PTPRD: variants seen among roughly 807,000 people sequenced by gnomAD.
PTPRD encodes receptor-type tyrosine-protein phosphatase delta.
PTPRD carries 34 observed loss-of-function variants against 214.5 expected under a neutral mutation model. The observed-to-expected ratio is 0.16, with a 90% CI of 0.12 to 0.21. The LOEUF is 0.21. Ranked by LOEUF, PTPRD falls within the 10% of genes least tolerant of loss-of-function variation. The pLI, the probability that PTPRD is intolerant of heterozygous loss-of-function variation, is 1.00. For synonymous variants in PTPRD, 1,128 were observed against 845.7 expected (o/e 1.33, Z -5.79); for missense variants, 2,545 against 2,398.7 (o/e 1.06, Z -1.27).
intron 3 of PTPRD, among the ~76,000 whole-genome samples, chr9:10,187,262 C>T (rs1428422986): frequency 1.3e-5 from 2 of 152,070 alleles, no homozygotes; most frequent in African/African-American, 2.4e-5. Context: ...TGAATCAGCT[C>T]TCTCACCCTT....
At chr9:8,447,704 T>C (rs1389668666) in intron 34 of PTPRD, among the ~76,000 whole-genome samples, 1 of 152,144 alleles carries the variant, frequency 6.6e-6, no homozygotes, top group Non-Finnish European at 1.5e-5. Context: ...AGCAGCACTC[T>C]CACTGGCTCC....
At chr9:8,988,740 C>G (rs1038436221) in intron 11 of PTPRD, among the ~76,000 whole-genome samples, 11 of 152,032 alleles carry the variant, frequency 7.2e-5, no homozygotes, top group Non-Finnish European at 1.0e-4. Flanking sequence ...TCCTGTGTCT[C>G]TTTCATTACA....
intron 11 of PTPRD, among the ~76,000 whole-genome samples, chr9:8,855,218 C>A (rs140907852): frequency 1.3e-5 from 2 of 151,734 alleles, no homozygotes; most frequent in African/African-American, 4.8e-5. Context: ...TATACAGGCC[C>A]CTAGTGGCTT....
At chr9:9,798,399 C>T (rs1342479645) in intron 5 of PTPRD, among the ~76,000 whole-genome samples, 2 of 151,990 alleles carry the variant, frequency 1.3e-5, no homozygotes, top group African/African-American at 2.4e-5. Flanking sequence ...TATGATTGGA[C>T]AAAAAGGATA....
At chr9:9,386,231 A>G (rs2063823366) in intron 9 of PTPRD, among the ~76,000 whole-genome samples, 1 of 152,164 alleles carries the variant, frequency 6.6e-6, no homozygotes, top group Non-Finnish European at 1.5e-5. Context: ...GGAATGAAGT[A>G]TGTGAGCCCC....
intron 11 of PTPRD, among the ~76,000 whole-genome samples, chr9:8,735,175 A>C (rs2089942283): frequency 2.3e-5 from 3 of 129,234 alleles, no homozygotes; most frequent in Non-Finnish European, 3.2e-5. Flanking sequence ...AGACAGTCTC[A>C]CTCTGTCACC....
chr9:9,084,125 C>G (rs1021309518), intron 10 of PTPRD, among the ~76,000 whole-genome samples: 2 of 152,070 alleles, frequency 1.3e-5, no homozygotes, highest in Non-Finnish European at 2.9e-5. Context: ...GCAGCACTAT[C>G]ACAATAGCAA....
chr9:9,175,165 G>C (rs1278887590), intron 10 of PTPRD, among the ~76,000 whole-genome samples: 1 of 152,084 alleles, frequency 6.6e-6, no homozygotes, highest in African/African-American at 2.4e-5. Context: ...CCCAGTCTAA[G>C]GTAATTTCTT....
chr9:8,888,254 C>G (rs774072383), intron 11 of PTPRD, among the ~76,000 whole-genome samples: 40 of 152,124 alleles, frequency 2.6e-4, no homozygotes, highest in Non-Finnish European at 4.7e-4. Context: ...ATGTGAAAGT[C>G]TATGTTTATG....
intron 7 of PTPRD, among the ~76,000 whole-genome samples, chr9:9,655,321 A>G (rs976784328): frequency 1.3e-5 from 2 of 152,178 alleles, no homozygotes; most frequent in Non-Finnish European, 1.5e-5. Flanking sequence ...TGTAATCCCA[A>G]CACTTCGGGA....
intron 10 of PTPRD, among the ~76,000 whole-genome samples, chr9:9,089,469 CT>C (rs758140134): frequency 6.6e-6 from 1 of 152,138 alleles, no homozygotes; most frequent in East Asian, 1.9e-4. Flanking sequence ...GCCATTTAAC[CT>C]TTCTGACCAA....
chr9:10,597,980 G>A (rs2077001568), intron 2 of PTPRD, among the ~76,000 whole-genome samples: 1 of 151,696 alleles, frequency 6.6e-6, no homozygotes, highest in East Asian at 1.9e-4. Flanking sequence ...ATGCATTCTT[G>A]ATGGATGGGT....
intron 11 of PTPRD, among the ~76,000 whole-genome samples, chr9:8,836,558 G>C (rs1041858641): frequency 3.1e-4 from 43 of 139,828 alleles, no homozygotes; most frequent in East Asian, 2.2e-3. Context: ...AGTAATTTTA[G>C]GTCTTAAGTT....
intron 9 of PTPRD, among the ~76,000 whole-genome samples, chr9:9,279,314 A>G (rs1378359433): frequency 1.4e-5 from 2 of 146,460 alleles, no homozygotes; most frequent in Non-Finnish European, 3.0e-5. Flanking sequence ...ATACACATGC[A>G]TATATACAGA....
At chr9:9,182,637 G>C (rs1321408967) in intron 10 of PTPRD, among the ~76,000 whole-genome samples, 1 of 151,888 alleles carries the variant, frequency 6.6e-6, no homozygotes, top group Non-Finnish European at 1.5e-5. Flanking sequence ...AAATGTCCTT[G>C]GCAGAGGATT....
chr9:10,560,871 C>A (rs573325789), intron 2 of PTPRD, among the ~76,000 whole-genome samples: 2 of 152,248 alleles, frequency 1.3e-5, no homozygotes, highest in African/African-American at 4.8e-5. Flanking sequence ...AAATATAGAG[C>A]CTGTCCATCA....
At chr9:9,518,338 C>T (rs944021790) in intron 8 of PTPRD, among the ~76,000 whole-genome samples, 9 of 151,916 alleles carry the variant, frequency 5.9e-5, no homozygotes, top group East Asian at 3.9e-4. Flanking sequence ...TTTTAGGCTA[C>T]GGGAAGATTC....
intron 5 of PTPRD, among the ~76,000 whole-genome samples, chr9:9,843,699 T>C (rs2058843080): frequency 6.6e-6 from 1 of 151,988 alleles, no homozygotes; most frequent in Non-Finnish European, 1.5e-5. Flanking sequence ...ACTTTGTTTA[T>C]ATAAATTGTA....
intron 3 of PTPRD, among the ~76,000 whole-genome samples, chr9:10,333,508 TG>T (rs2096789816): frequency 6.6e-6 from 1 of 151,890 alleles, no homozygotes; most frequent in African/African-American, 2.4e-5. Flanking sequence ...GCCATTTAAT[TG>T]GCTGCCCTGA....
Sources: allele counts gnomAD v4.1 joint callset (sites outside exome capture counted in the v4.1 genomes callset), GRCh38; gene constraint gnomAD v4.1.1; transcripts MANE v1.5; gene names NCBI Gene and HGNC (gene_info 2026-07-23, HGNC 2026-07-21).